The following SPTBN1 variants were observed in gnomAD, a reference collection of about 807,000 sequenced individuals.
SPTBN1 encodes spectrin beta, non-erythrocytic 1, also known as spectrin beta chain, non-erythrocytic 1.
SPTBN1 carries 32 observed loss-of-function variants against 266.4 expected under a neutral mutation model. The observed-to-expected ratio is 0.12, with a 90% CI of 0.09 to 0.16. SPTBN1 has a LOEUF of 0.16. Among genes scored for constraint, SPTBN1 ranks in the 10% least tolerant of loss-of-function variants. The pLI is 1.00. For synonymous variants in SPTBN1, 1,336 were observed against 1,162.2 expected (o/e 1.15, Z -3.04); for missense variants, 2,296 against 3,067.1 (o/e 0.75, Z 5.94).
chr2:54,512,301 A>G (rs1317721989), intron 1 of SPTBN1, among the ~76,000 whole-genome samples: 4 of 152,200 alleles, frequency 2.6e-5, no homozygotes, highest in African/African-American at 7.2e-5. Flanking sequence ...TCATAGGCCA[A>G]TCTTTACTCA....
At chr2:54,468,026 C>T (rs968219617) in intron 1 of SPTBN1, among the ~76,000 whole-genome samples, 4 of 152,062 alleles carry the variant, frequency 2.6e-5, no homozygotes, top group East Asian at 1.9e-4. Context: ...TAGTGTTTCT[C>T]GGCCAGGTGC....
intron 1 of SPTBN1, among the ~76,000 whole-genome samples, chr2:54,491,414 A>C (rs888441680): frequency 1.3e-5 from 2 of 152,222 alleles, no homozygotes; most frequent in African/African-American, 4.8e-5. Flanking sequence ...GACATTCTTG[A>C]TGAAGGACTG....
At chr2:54,538,928 C>G (rs1457633361) in intron 2 of SPTBN1, among the ~76,000 whole-genome samples, 3 of 152,188 alleles carry the variant, frequency 2.0e-5, no homozygotes, top group South Asian at 2.1e-4. Flanking sequence ...TTGGTTCACT[C>G]TAAGTTTGCA....
chr2:54,457,065 G>A (rs966870519), intron 1 of SPTBN1, among the ~76,000 whole-genome samples: 3 of 151,500 alleles, frequency 2.0e-5, no homozygotes, highest in Non-Finnish European at 2.9e-5. Flanking sequence ...GCGTGGTCCC[G>A]GCTGCGCCGC....
chr2:54,505,895 C>A (rs967586612), intron 1 of SPTBN1, among the ~76,000 whole-genome samples: 4 of 151,986 alleles, frequency 2.6e-5, no homozygotes, highest in African/African-American at 4.8e-5. Context: ...GAGGCTGAGG[C>A]GGGCGGATCT....
Position 54,646,593 on chromosome 2 carries a change from AG to A in SPTBN1, c.4866+122del, listed in dbSNP as rs1679941757. 8.3e-7 allele frequency: 1 copy of A among 1,206,850 alleles called. No individual in the cohort carries two copies. Among genetic ancestry groups the A allele is most frequent in the African/African-American group, 1.5e-5 (1 of 65,138 alleles). 74.8% of individuals were successfully genotyped at this position (1,206,850 alleles called of 1,614,324 possible). On this transcript the variant is annotated intron_variant, in intron 23 of 35. Transcript: ENST00000356805. This position sits in a 1 kb window ranked among gnomAD's most constrained non-coding sequence, Gnocchi z 4.4. ...CTTCCCTTGTAGCCTTTGAGTGTTA[AG>A]GGGACACCATGTGCATGAAGGTGTC...
At chr2:54,614,889 G>A (rs1432880452) in intron 4 of SPTBN1, among the ~76,000 whole-genome samples, 1 of 152,086 alleles carries the variant, frequency 6.6e-6, no homozygotes, top group African/African-American at 2.4e-5. Context: ...ATTTCAGAAG[G>A]GTAGGCTTTG....
rs139004044 is a variant in SPTBN1 at position 54,661,582 on chromosome 2, A to G, written c.6420+1583A>G. 24 of 985,886 alleles carry G rather than the reference A, an allele frequency of 2.4e-5. 1 individual carries two copies. The East Asian group carries it at 1.5e-3, about 61-fold the overall frequency. 61.1% of individuals were successfully genotyped at this position (985,886 alleles called of 1,614,324 possible). A position where few individuals can be genotyped will look rare whatever the true frequency, so the allele number is the denominator to read the frequency against. ...TTATGTTCTGGGGGTAGTATGCATC[A>G]TTATTGGGTCTCTGCCTTAAAACAC... is the stretch of plus-strand genomic sequence containing the variant. On this transcript the variant is annotated intron_variant, in intron 32 of 35. Coordinates refer to ENST00000356805, the MANE Select transcript of SPTBN1 (RefSeq NM_003128.3).
Position 54,558,738 on chromosome 2 carries a change from AT to A in SPTBN1, c.148+32175del, listed in dbSNP as rs1673057980. 1 of 1,594,928 alleles carries A rather than the reference AT, an allele frequency of 6.3e-7. No homozygotes were observed. The highest frequency in any genetic ancestry group is 2.3e-5 in the East Asian group (1 of 44,040). On this transcript the variant is annotated intron_variant, in intron 2 of 35. Coordinates refer to ENST00000356805, the MANE Select transcript of SPTBN1 (RefSeq NM_003128.3). This position sits in a 1 kb window ranked among gnomAD's most constrained non-coding sequence, Gnocchi z 4.6. ...GGGAGTGGGAGGGGGCTGGAGCGAG[AT>A]TTCCAGGGCGCAGTCCTCCGGGGCG...
At chr2:54,489,684 G>T (rs13021031) in intron 1 of SPTBN1, among the ~76,000 whole-genome samples, 8,839 of 152,276 alleles carry the variant, frequency 0.058, 383 homozygotes, top group Non-Finnish European at 0.092. Flanking sequence ...GGCTGACAGA[G>T]AGAGGGCACC....
intron 1 of SPTBN1, among the ~76,000 whole-genome samples, chr2:54,483,860 C>T (rs1011160311): frequency 2.6e-5 from 4 of 152,118 alleles, no homozygotes; most frequent in African/African-American, 9.7e-5. Flanking sequence ...TTGCTTTGTT[C>T]CGCTGGTCAG....
rs1421675016 is a variant in SPTBN1 at position 54,655,919 on chromosome 2, G to C, written c.5967G>C (p.Lys1989Asn). 3 of 1,612,228 alleles carry C rather than the reference G, an allele frequency of 1.9e-6. No homozygotes were observed. In the African/African-American group the frequency reaches 4.0e-5, roughly 22 times the overall value. The part of the protein sequence containing the change: ...ARKHYASEEI[K>N]EKLLQLTEKR... Reference sequence around the variant, plus strand: ...GGATCCTCTTTTTCATACAGATCAAGGAAAAATTACTGCAGTTGACGGAAA... The same window carrying C: ...GGATCCTCTTTTTCATACAGATCAACGAAAAATTACTGCAGTTGACGGAAA... The change falls in exon 29 of 36, where the codon AAG (lysine) becomes AAC (asparagine). Residue 1989 changes from lysine (K) to asparagine (N), a missense_variant. This residue lies in a region of SPTBN1 where 644 missense variants were observed against 745.3 expected (regional missense o/e 0.86). Coordinates refer to ENST00000356805, the MANE Select transcript of SPTBN1 (RefSeq NM_003128.3).
At chr2:54,638,313 A>C (rs1216847604) in intron 18 of SPTBN1, among the ~76,000 whole-genome samples, 1 of 152,276 alleles carries the variant, frequency 6.6e-6, no homozygotes, top group Non-Finnish European at 1.5e-5. Context: ...AAAGCAATGT[A>C]CATTTCAATG....
intron 24 of SPTBN1, among the ~76,000 whole-genome samples, chr2:54,648,430 G>T (rs1174974040): frequency 6.6e-6 from 1 of 152,174 alleles, no homozygotes; most frequent in African/African-American, 2.4e-5. Context: ...GGAGCAGCCG[G>T]TCCAGCCCTC....
At chr2:54,661,517 T>G (rs1681042136) in intron 32 of SPTBN1, 11 of 985,834 alleles carry the variant, frequency 1.1e-5, no homozygotes, top group Non-Finnish European at 1.2e-5. Flanking sequence ...ATCTATCTAC[T>G]TCTGACTGTA....
chr2:54,641,660 ACCCCCTCCCACCCCCG>A (rs1444638176), intron 18 of SPTBN1, among the ~76,000 whole-genome samples: 1 of 151,114 alleles, frequency 6.6e-6, no homozygotes, highest in African/African-American at 2.4e-5. Context: ...TTTGCTTTTA[ACCCCCTCCCACCCCCG>A]CCCCCTGCCC....
chr2:54,471,799 G>GTTTTTTTTTTTTTTTTTTTTTT (rs1693932488), intron 1 of SPTBN1, among the ~76,000 whole-genome samples: 1 of 31,498 alleles, frequency 3.2e-5, no homozygotes, highest in Non-Finnish European at 5.0e-5. Flanking sequence ...CTTTTTTATC[G>GTTTTTTTTTTTTTTTTTTTTTT]ATTTTTTTTT....
intron 1 of SPTBN1, among the ~76,000 whole-genome samples, chr2:54,517,498 C>T (rs1670175424): frequency 6.6e-6 from 1 of 152,028 alleles, no homozygotes; most frequent in Non-Finnish European, 1.5e-5. Flanking sequence ...AAAGTTAGTA[C>T]AGCTATAGAT....
chr2:54,632,713 G>C lies in SPTBN1; in HGVS notation c.3712G>C (p.Asp1238His), dbSNP rs753745173. The C allele has an allele frequency of 1.2e-6, 2 of 1,614,192 alleles. No homozygotes were observed. Among genetic ancestry groups the C allele is most frequent in the East Asian group, 4.5e-5 (2 of 44,882 alleles). Reference protein sequence around the residue: ...VVETGRRLVSDGNINSDRIQE... With the variant: ...VVETGRRLVSHGNINSDRIQE... ...GGAGACTGGCCGGAGGCTGGTGAGC[G>C]ATGGGAACATCAACTCAGATCGCAT... is the stretch of plus-strand genomic sequence containing the variant. Residue 1238 changes from aspartate to histidine, a missense_variant, in exon 17 of 36, where the codon GAT (aspartate) becomes CAT (histidine). Coordinates refer to ENST00000356805, the MANE Select transcript of SPTBN1 (RefSeq NM_003128.3).
Sources: gnomAD v4.1 joint callset for allele counts (sites outside exome capture counted in the v4.1 genomes callset) on GRCh38, gnomAD v4.1.1 for gene constraint, gnomAD v4.1.1 regional missense constraint, Gnocchi (gnomAD v3.1) non-coding constraint, MANE v1.5 for transcripts, NCBI Gene and HGNC (gene_info 2026-07-23, HGNC 2026-07-21) for gene names.